HASPIN: variants seen among roughly 807,000 people sequenced by gnomAD.
HASPIN encodes the protein serine/threonine-protein kinase haspin.
In HASPIN, 24 loss-of-function variants were observed where a neutral mutation model predicts 28.8. That is an observed-to-expected ratio of 0.83 (90% CI 0.60 to 1.17). The LOEUF (loss-of-function observed/expected upper bound fraction) is 1.17, where lower values mean the gene tolerates loss of function less well. Ranked by LOEUF, HASPIN falls within the 50% of genes most tolerant of loss-of-function variation. The probability of loss-of-function intolerance (pLI) is 0.00; values close to 1 mark genes in which losing one functional copy is unlikely to be tolerated. For synonymous variants in HASPIN, 440 were observed against 413.1 expected (o/e 1.07, Z -0.79); for missense variants, 1,016 against 1,018.5 (o/e 1.00, Z 0.03).
rs199722351 is a variant in HASPIN at position 3,725,457 on chromosome 17, G to A, written c.1522G>A (p.Val508Ile). ...VFQTIADHTP[V>I]AIKIIAIEGP... ...TCAAACAATTGCTGATCACACACCCGTAGCCATAAAAATCATTGCTATTGA... is the reference window on the plus strand; with the variant it reads ...TCAAACAATTGCTGATCACACACCCATAGCCATAAAAATCATTGCTATTGA... Residue 508 changes from valine (V) to isoleucine (I), a missense_variant, in exon 1 of 1, where the codon GTA (valine) becomes ATA (isoleucine). Around this residue, in one of 3 missense-constraint regions of HASPIN, gnomAD observed 881 missense variants for 845.5 expected, o/e 1.04. Coordinates refer to ENST00000325418, the MANE Select transcript of HASPIN (RefSeq NM_031965.2). 4.3e-6 allele frequency: 7 copies of A among 1,613,566 alleles called. No homozygotes were observed. The highest frequency in any genetic ancestry group is 3.3e-5 in the Admixed American group (2 of 60,018).
Position 3,725,765 on chromosome 17 carries a change from T to G in HASPIN, c.1830T>G (p.Ile610Met). The change falls in exon 1 of 1, where the codon ATT becomes ATG. Residue 610 changes from isoleucine to methionine, a missense_variant. Ile to Met is a conservative substitution (Grantham distance 10). Around this residue, in one of 3 missense-constraint regions of HASPIN, gnomAD observed 881 missense variants for 845.5 expected, o/e 1.04. Transcript: ENST00000325418. Reference protein sequence around the residue: ...FIVLEFEFGGIDLEQMRTKLS... With the variant: ...FIVLEFEFGGMDLEQMRTKLS... ...TGCTGGAATTTGAGTTTGGAGGGAT[T>G]GACTTAGAGCAAATGCGAACCAAGT... 1 of 1,593,580 alleles carries G rather than the reference T, an allele frequency of 6.3e-7. No individual in the cohort carries two copies. Among genetic ancestry groups the G allele is most frequent in the Non-Finnish European group, 8.6e-7 (1 of 1,168,400 alleles).
chr17:3,724,687 C>T lies in HASPIN; in HGVS notation c.752C>T (p.Ser251Leu). Residue 251 changes from serine (S) to leucine (L), a missense_variant, in exon 1 of 1, where the codon TCA becomes TTA. Coordinates refer to ENST00000325418, the MANE Select transcript of HASPIN (RefSeq NM_031965.2). Reference sequence around the variant, plus strand: ...TCAGTTCTCTTTGGCCTTATGAACTCAGGAACCCCTGAGGATTCTGAGTTT... The same window carrying T: ...TCAGTTCTCTTTGGCCTTATGAACTTAGGAACCCCTGAGGATTCTGAGTTT... ...LRSVLFGLMN[S>L]GTPEDSEFRA... 6.2e-7 allele frequency: 1 copy of T among 1,614,202 alleles called. No individual in the cohort carries two copies. Among genetic ancestry groups the T allele is most frequent in the African/African-American group, 1.3e-5 (1 of 75,032 alleles).
At position 3,724,766 on chromosome 17, in the gene HASPIN, G is replaced by A; in HGVS notation, c.831G>A (p.Val277=). Residue 277 remains valine (V), a synonymous_variant, in exon 1 of 1, where the codon GTG becomes GTA. Transcript: ENST00000325418. ...CCTGCTGTAAAAGGAAACTGGTGGT[G>A]GGAAATGGACCAGAGGGTCCAGGTC... ...RESCCKRKLV[V]GNGPEGPGLS... The A allele has an allele frequency of 1.2e-6, 2 of 1,614,202 alleles. No homozygotes were observed. Among genetic ancestry groups the A allele is most frequent in the East Asian group, 2.2e-5 (1 of 44,888 alleles).
rs778121030 is a variant in HASPIN, at chr17:3,725,503, G to C, written c.1568G>C (p.Gly523Ala). 6.2e-7 allele frequency: 1 copy of C among 1,614,154 alleles called. No individual in the cohort carries two copies. The highest frequency in any genetic ancestry group is 1.1e-5 in the South Asian group (1 of 91,064). ...ATTGAAGGACCAGATTTAGTCAATGGATCCCATCAGAAAACCTTTGAGGAA... is the reference window on the plus strand; with the variant it reads ...ATTGAAGGACCAGATTTAGTCAATGCATCCCATCAGAAAACCTTTGAGGAA... ...IAIEGPDLVNGSHQKTFEEIL... is the reference protein window; with the variant it reads ...IAIEGPDLVNASHQKTFEEIL... Residue 523 changes from glycine to alanine, a missense_variant, in exon 1 of 1, where the codon GGA becomes GCA. By Grantham distance (60) the Gly-to-Ala change is moderately conservative (BLOSUM62 0). Around this residue, in one of 3 missense-constraint regions of HASPIN, gnomAD observed 881 missense variants for 845.5 expected, o/e 1.04. Coordinates refer to ENST00000325418, the MANE Select transcript of HASPIN (RefSeq NM_031965.2).
rs1484393522 is a variant in HASPIN at position 3,725,682 on chromosome 17, A to G, written c.1747A>G (p.Thr583Ala). ...LLKAWDHYNS[T>A]KGSANDRPDF... ...CAAAGCCTGGGATCACTATAATTCA[A>G]CCAAAGGCTCTGCAAATGACCGGCC... The change falls in exon 1 of 1, where the codon ACC (threonine) becomes GCC (alanine). Residue 583 changes from threonine (T) to alanine (A), a missense_variant. Thr to Ala is a moderately conservative substitution (Grantham distance 58). Around this residue, in one of 3 missense-constraint regions of HASPIN, gnomAD observed 881 missense variants for 845.5 expected, o/e 1.04. Transcript: ENST00000325418. The G allele has an allele frequency of 1.3e-6, 2 of 1,583,668 alleles. No homozygotes were observed. Among genetic ancestry groups the G allele is most frequent in the South Asian group, 1.2e-5 (1 of 86,558 alleles).
In HASPIN at chr17:3,724,443, A is replaced by G. The variant is rs1445126597; in HGVS notation, c.508A>G (p.Ser170Gly). 6.2e-7 allele frequency: 1 copy of G among 1,613,494 alleles called. No homozygotes were observed. Among genetic ancestry groups the G allele is most frequent in the African/African-American group, 1.3e-5 (1 of 75,034 alleles). The change falls in exon 1 of 1, where the codon AGC (serine) becomes GGC (glycine). Residue 170 changes from serine (S) to glycine (G), a missense_variant. By Grantham distance (56) the Ser-to-Gly change is moderately conservative. Coordinates refer to ENST00000325418, the MANE Select transcript of HASPIN (RefSeq NM_031965.2). Reference sequence around the variant, plus strand: ...GCTGGGCATCAGTGCCTCCCTGTTCAGCTCTCTGGCCTCGCCCTGCCCCGG... The same window carrying G: ...GCTGGGCATCAGTGCCTCCCTGTTCGGCTCTCTGGCCTCGCCCTGCCCCGG... The part of the protein sequence containing the change: ...DELGISASLF[S>G]SLASPCPGSP...
In HASPIN at chr17:3,724,879, A is replaced by T. The variant is rs911874933; in HGVS notation, c.944A>T (p.Glu315Val). The T allele has an allele frequency of 3.1e-6, 5 of 1,613,838 alleles. No individual in the cohort carries two copies. The Admixed American group carries it at 8.3e-5, about 27-fold the overall frequency. ...GAGGCCGTCCGGAGAGAGCATCAGG[A>T]GGCCAGTGTTCCCAAGGGCCGCATT... ...LQEAVRREHQ[E>V]ASVPKGRIVP... is the part of the protein sequence containing the mutation. Residue 315 changes from glutamate (E) to valine (V), a missense_variant, in exon 1 of 1, where the codon GAG (glutamate) becomes GTG (valine). Physicochemically the swap from Glu to Val is moderately radical, Grantham distance 121. This residue lies in a region of HASPIN where 881 missense variants were observed against 845.5 expected (regional missense o/e 1.04). Coordinates refer to ENST00000325418, the MANE Select transcript of HASPIN (RefSeq NM_031965.2).
rs951590079 is a variant in HASPIN at position 3,726,436 on chromosome 17, C to G, written c.*104C>G. 4.1e-6 allele frequency: 3 copies of G among 731,352 alleles called. No homozygotes were observed. The highest frequency in any genetic ancestry group is 1.7e-5 in the African/African-American group (1 of 57,144). The allele number at this position is 731,352 out of a possible 1,614,324, so 45.3% of individuals were successfully genotyped here. A position where few individuals can be genotyped will look rare whatever the true frequency, so the allele number is the denominator to read the frequency against. On this transcript the variant is annotated 3_prime_UTR_variant, in exon 1 of 1. Transcript: ENST00000325418. Reference sequence around the variant, plus strand: ...CAGGAGGGTGGAACTCCCATTCTCACAGGTTTCCAGTCAGCTTTTCAAACA... The same window carrying G: ...CAGGAGGGTGGAACTCCCATTCTCAGAGGTTTCCAGTCAGCTTTTCAAACA...
rs2051144327 is a variant in HASPIN, at chr17:3,724,153, G to GGGT, written c.218_219insGGT (p.Gly73_Ser74insVal). 6.3e-7 allele frequency: 1 copy of GGGT among 1,594,424 alleles called. No homozygotes were observed. The highest frequency in any genetic ancestry group is 1.3e-5 in the African/African-American group (1 of 74,586). On this transcript the variant is annotated inframe_insertion, in exon 1 of 1. Coordinates refer to ENST00000325418, the MANE Select transcript of HASPIN (RefSeq NM_031965.2). ...GATCCCGACGACCCCGACTTCCCCGGCAGCCCGGTGAGGCGGCGGCGGAGG... is the reference window on the plus strand; with the variant it reads ...GATCCCGACGACCCCGACTTCCCCGGGGTCAGCCCGGTGAGGCGGCGGCGGAGG...
chr17:3,725,140 T>C lies in HASPIN; in HGVS notation c.1205T>C (p.Val402Ala). 2 of 1,614,114 alleles carry C rather than the reference T, an allele frequency of 1.2e-6. No individual in the cohort carries two copies. Among genetic ancestry groups the C allele is most frequent in the Non-Finnish European group, 1.7e-6 (2 of 1,180,012 alleles). The change falls in exon 1 of 1, where the codon GTC becomes GCC. Residue 402 changes from valine (V) to alanine (A), a missense_variant. Physicochemically the swap from Val to Ala is moderately conservative, Grantham distance 64. Around this residue, in one of 3 missense-constraint regions of HASPIN, gnomAD observed 881 missense variants for 845.5 expected, o/e 1.04. Coordinates refer to ENST00000325418, the MANE Select transcript of HASPIN (RefSeq NM_031965.2). The stretch of plus-strand genomic sequence containing the variant: ...AAAATTGTGACTGATGTGTCAGAGG[T>C]CTGCAGCATCTATACCACTGCCACT... ...KKKIVTDVSE[V>A]CSIYTTATSL...
Position 3,726,398 on chromosome 17 carries a change from A to T in HASPIN, c.*66A>T, listed in dbSNP as rs1001898592. The stretch of plus-strand genomic sequence containing the variant: ...TCTTGAAGCCTCTGGTGCTGTTTCA[A>T]CCTCCATCCCCACAGGAGGGTGGAA... On this transcript the variant is annotated 3_prime_UTR_variant, in exon 1 of 1. Transcript: ENST00000325418. The T allele has an allele frequency of 1.1e-4, 127 of 1,128,590 alleles. No individual in the cohort carries two copies. In the African/African-American group the frequency reaches 1.9e-3, roughly 17 times the overall value. 69.9% of individuals were successfully genotyped at this position (1,128,590 alleles called of 1,614,324 possible).
rs144504548 is a variant in HASPIN at position 3,724,913 on chromosome 17, G to T, written c.978G>T (p.Arg326Ser). 9 of 1,613,646 alleles carry T rather than the reference G, an allele frequency of 5.6e-6. No individual in the cohort carries two copies. The East Asian group carries it at 2.0e-4, about 36-fold the overall frequency. The change falls in exon 1 of 1, where the codon AGG (arginine) becomes AGT (serine). Residue 326 changes from arginine (R) to serine (S), a missense_variant. This residue lies in a region of HASPIN where 881 missense variants were observed against 845.5 expected (regional missense o/e 1.04). Transcript: ENST00000325418. ...ASVPKGRIVP[R>S]GIDRLERTRS... ...TTCCCAAGGGCCGCATTGTGCCAAG[G>T]GGAATAGACAGGCTGGAGAGAACTA... is the stretch of plus-strand genomic sequence containing the variant.
Position 3,725,724 on chromosome 17 carries a change from G to A in HASPIN, c.1789G>A (p.Asp597Asn), listed in dbSNP as rs535667063. 1.2e-4 allele frequency: 193 copies of A among 1,572,330 alleles called. 2 individuals carry two copies. In the South Asian group the frequency reaches 1.6e-3, roughly 13 times the overall value. Residue 597 changes from aspartate to asparagine, a missense_variant, in exon 1 of 1, where the codon GAC (aspartate) becomes AAC (asparagine). By Grantham distance (23) the Asp-to-Asn change is conservative (BLOSUM62 1). Transcript: ENST00000325418. ...ANDRPDFFKDDQLFIVLEFEF... is the reference protein window; with the variant it reads ...ANDRPDFFKDNQLFIVLEFEF... ...TGACCGGCCTGATTTTTTTAAAGAC[G>A]ACCAGCTCTTCATTGTGCTGGAATT...
rs1186050737 is a variant in HASPIN, at chr17:3,725,386, T to C, written c.1451T>C (p.Leu484Pro). Residue 484 changes from leucine to proline, a missense_variant, in exon 1 of 1, where the codon CTG (leucine) becomes CCG (proline). Leu to Pro is a moderately conservative substitution (Grantham distance 98). Around this residue, in one of 3 missense-constraint regions of HASPIN, gnomAD observed 881 missense variants for 845.5 expected, o/e 1.04. Transcript: ENST00000325418. ...AGCCATTGCCTTCCCACAGAAAAAC[T>C]GCAACGCTGTGAGAAGATTGGGGAA... ...PFSHCLPTEK[L>P]QRCEKIGEGV... 7 of 1,614,226 alleles carry C rather than the reference T, an allele frequency of 4.3e-6. No homozygotes were observed. Among genetic ancestry groups the C allele is most frequent in the Non-Finnish European group, 5.9e-6 (7 of 1,180,036 alleles).
rs1309750655 is a variant in HASPIN at position 3,725,430 on chromosome 17, T to G, written c.1495T>G (p.Phe499Val). The G allele has an allele frequency of 2.5e-6, 4 of 1,614,170 alleles. No homozygotes were observed. Among genetic ancestry groups the G allele is most frequent in the Non-Finnish European group, 3.4e-6 (4 of 1,180,012 alleles). Residue 499 changes from phenylalanine (F) to valine (V), a missense_variant, in exon 1 of 1, where the codon TTT (phenylalanine) becomes GTT (valine). Coordinates refer to ENST00000325418, the MANE Select transcript of HASPIN (RefSeq NM_031965.2). ...TGGGGAAGGGGTGTTTGGCGAAGTG[T>G]TTCAAACAATTGCTGATCACACACC... The part of the protein sequence containing the change: ...KIGEGVFGEV[F>V]QTIADHTPVA...
Position 3,725,647 on chromosome 17 carries a change from C to A in HASPIN, c.1712C>A (p.Pro571His), listed in dbSNP as rs1173132578. ...CACTGTGTCCAGGGATCTTACCCTC[C>A]CTTGCTCCTCAAAGCCTGGGATCAC... ...SVHCVQGSYP[P>H]LLLKAWDHYN... The change falls in exon 1 of 1, where the codon CCC (proline) becomes CAC (histidine). Residue 571 changes from proline to histidine, a missense_variant. By Grantham distance (77) the Pro-to-His change is moderately conservative. Coordinates refer to ENST00000325418, the MANE Select transcript of HASPIN (RefSeq NM_031965.2). 8 of 1,602,334 alleles carry A rather than the reference C, an allele frequency of 5.0e-6. No individual in the cohort carries two copies. Among genetic ancestry groups the A allele is most frequent in the Non-Finnish European group, 6.8e-6 (8 of 1,172,686 alleles).
chr17:3,726,054 G>A lies in HASPIN; in HGVS notation c.2119G>A (p.Asp707Asn), dbSNP rs756196178. 95 of 1,614,044 alleles carry A rather than the reference G, an allele frequency of 5.9e-5. No individual in the cohort carries two copies. The highest frequency in any genetic ancestry group is 2.2e-5 in the East Asian group (1 of 44,904). Residue 707 changes from aspartate (D) to asparagine (N), a missense_variant, in exon 1 of 1, where the codon GAT becomes AAT. This residue lies in a region of HASPIN where 129 missense variants were observed against 156.2 expected (regional missense o/e 0.83). Coordinates refer to ENST00000325418, the MANE Select transcript of HASPIN (RefSeq NM_031965.2). ...TGTGGTTTTCTGTGACGTTTCCATG[G>A]ATGAGGACCTGTTTACCGGTGACGG... The part of the protein sequence containing the change: ...GIVVFCDVSM[D>N]EDLFTGDGDY...
At position 3,725,113 on chromosome 17, in the gene HASPIN, AG is replaced by A; in HGVS notation, c.1179del (p.Ile395LeufsTer2). 1.2e-6 allele frequency: 2 copies of A among 1,614,210 alleles called. No individual in the cohort carries two copies. The highest frequency in any genetic ancestry group is 1.7e-6 in the Non-Finnish European group (2 of 1,180,038). On this transcript the variant is annotated frameshift_variant, in exon 1 of 1. Transcript: ENST00000325418. LOFTEE classifies it high-confidence loss of function. The stretch of plus-strand genomic sequence containing the variant: ...AGGGCTTCCTTCAGTTTCCACAAGA[AG>A]AAAATTGTGACTGATGTGTCAGAGG... ...KTRASFSFHK[K>X]KIVTDVSEVC...
At position 3,726,477 on chromosome 17, in the gene HASPIN, A is replaced by G; in HGVS notation, c.*145A>G. The G allele has an allele frequency of 1.6e-6, 1 of 625,980 alleles. No individual in the cohort carries two copies. The highest frequency in any genetic ancestry group is 2.3e-5 in the South Asian group (1 of 44,130). 38.8% of individuals were successfully genotyped at this position (625,980 alleles called of 1,614,324 possible). On this transcript the variant is annotated 3_prime_UTR_variant, in exon 1 of 1. Transcript: ENST00000325418. ...TTTTCAAACAAGAATTTTGTTTCCA[A>G]ATGGAAACTGAAATATTTGTTGAAA... is the stretch of plus-strand genomic sequence containing the variant.
Sources: allele counts gnomAD v4.1 joint callset, GRCh38; gene constraint gnomAD v4.1.1; regional missense constraint gnomAD v4.1.1; transcripts MANE v1.5; gene names NCBI Gene and HGNC (gene_info 2026-07-23, HGNC 2026-07-21).